SLC37A2: variants seen among roughly 807,000 people sequenced by gnomAD.
The protein encoded by SLC37A2 is solute carrier family 37 member 2, also known as glucose-6-phosphate exchanger SLC37A2.
Under a neutral mutation model 70.7 loss-of-function variants are expected in SLC37A2, and 59 were observed. That is an observed-to-expected ratio of 0.83 (90% CI 0.68 to 1.04). SLC37A2 has a LOEUF of 1.04. Among genes scored for constraint, SLC37A2 ranks in the 50% least tolerant of loss-of-function variants. The pLI is 0.00. For missense variants in SLC37A2, 580 were observed against 658.1 expected (o/e 0.88, Z 1.30); for synonymous variants, 257 against 262.1 (o/e 0.98, Z 0.19).
intron 1 of SLC37A2, among the ~76,000 whole-genome samples, chr11:125,064,595 C>T (rs1318621118): frequency 6.6e-6 from 1 of 152,162 alleles, no homozygotes; most frequent in Non-Finnish European, 1.5e-5. Context: ...CTCATCAATT[C>T]TAACCTTCTT....
Position 125,084,817 on chromosome 11 carries a change from T to TCTCTCAGA in SLC37A2, c.1126-7_1126dup. 1 of 1,613,420 alleles carries TCTCTCAGA rather than the reference T, an allele frequency of 6.2e-7. No homozygotes were observed. Among genetic ancestry groups the TCTCTCAGA allele is most frequent in the South Asian group, 1.1e-5 (1 of 90,776 alleles). On this transcript the variant is annotated splice_polypyrimidine_tract_variant and splice_region_variant and intron_variant, in intron 12 of 17. Coordinates refer to ENST00000403796, the MANE Select transcript of SLC37A2 (RefSeq NM_001145290.2). ...GGGTGACTCTGCCTCTCCCCTCTCCTCTCTCAGATGTTCCTGTACAACTAC... is the reference window on the plus strand; with the variant it reads ...GGGTGACTCTGCCTCTCCCCTCTCCTCTCTCAGACTCTCAGATGTTCCTGTACAACTAC...
At chr11:125,082,391 G>A in intron 10 of SLC37A2, 57 bp downstream of exon 10, 2 of 1,486,910 alleles carry the variant, frequency 1.3e-6, no homozygotes, top group East Asian at 2.3e-5. Flanking sequence ...GCTGCCTCTG[G>A]TGGGAGAGGA....
chr11:125,082,300 C>G lies in SLC37A2; in HGVS notation c.942C>G (p.Phe314Leu). The change falls in exon 10 of 18, where the codon TTC becomes TTG. Residue 314 changes from phenylalanine (F) to leucine (L), a missense_variant. Physicochemically the swap from Phe to Leu is conservative, Grantham distance 22 (BLOSUM62 0). Coordinates refer to ENST00000403796, the MANE Select transcript of SLC37A2 (RefSeq NM_001145290.2). ...TTGCCAAGCTGGTCAGTTACACCTT[C>G]CTCTACTGGCTGCCCCTCTACATCG... The part of the protein sequence containing the change: ...LLFAKLVSYT[F>L]LYWLPLYIAN... The G allele has an allele frequency of 6.2e-7, 1 of 1,613,968 alleles. No individual in the cohort carries two copies. The highest frequency in any genetic ancestry group is 1.1e-5 in the South Asian group (1 of 91,076).
At chr11:125,077,694 G>A (rs1017396719) in intron 4 of SLC37A2, among the ~76,000 whole-genome samples, 166 bp downstream of exon 4, 3 of 152,292 alleles carry the variant, frequency 2.0e-5, no homozygotes, top group East Asian at 1.9e-4. Context: ...CTGCTCCTTC[G>A]CCTGGTAGAC....
At chr11:125,066,243 T>C (rs1252160257) in intron 1 of SLC37A2, among the ~76,000 whole-genome samples, 1 of 152,192 alleles carries the variant, frequency 6.6e-6, no homozygotes, top group Admixed American at 6.5e-5. Flanking sequence ...TTGTTAAAGA[T>C]AAAAACTCTG....
Position 125,063,336 on chromosome 11 carries a change from G to T in SLC37A2, c.-32G>T, listed in dbSNP as rs780112789. The stretch of plus-strand genomic sequence containing the variant: ...CGCGCCCAGCTCTGTAGCCTCCTCC[G>T]TCGACTCAGCCTTAGGTACCGGTCA... On this transcript the variant is annotated 5_prime_UTR_variant, in exon 1 of 18. Transcript: ENST00000403796. The surrounding 1 kb of genome is among the most constrained non-coding windows in gnomAD (Gnocchi z 5.4). 1 of 1,598,174 alleles carries T rather than the reference G, an allele frequency of 6.3e-7. No individual in the cohort carries two copies. The highest frequency in any genetic ancestry group is 1.1e-5 in the South Asian group (1 of 88,898).
intron 17 of SLC37A2, chr11:125,087,450 C>T (rs1333303974): frequency 6.5e-6 from 1 of 153,166 alleles, no homozygotes; most frequent in African/African-American, 2.4e-5. Flanking sequence ...CTCCATGAGA[C>T]CTTGGGCATA....
At chr11:125,082,473 G>A in intron 10 of SLC37A2, 139 bp downstream of exon 10, 1 of 762,370 alleles carries the variant, frequency 1.3e-6, no homozygotes, top group Non-Finnish European at 2.3e-6. Flanking sequence ...TAGAGTGAAA[G>A]GAGCTTGATT....
rs867559008 is a variant in SLC37A2 at position 125,082,310 on chromosome 11, C to T, written c.952C>T (p.Leu318=). Residue 318 remains leucine, a synonymous_variant, in exon 10 of 18, where the codon CTG becomes TTG. Transcript: ENST00000403796. The part of the protein sequence containing the change: ...KLVSYTFLYW[L]PLYIANVAHF... ...GGTCAGTTACACCTTCCTCTACTGG[C>T]TGCCCCTCTACATCGCCAATGTGGG... 1 of 1,613,850 alleles carries T rather than the reference C, an allele frequency of 6.2e-7. No individual in the cohort carries two copies. Among genetic ancestry groups the T allele is most frequent in the Admixed American group, 1.7e-5 (1 of 59,998 alleles).
At chr11:125,074,950 C>T (rs562799363) in intron 1 of SLC37A2, among the ~76,000 whole-genome samples, 29 of 152,132 alleles carry the variant, frequency 1.9e-4, no homozygotes, top group Non-Finnish European at 2.9e-4. Context: ...GCCTGGGGGG[C>T]CTTACCGGCA....
chr11:125,086,198 C>T (rs1221587603), intron 17 of SLC37A2, 180 bp downstream of exon 17: 1 of 1,611,742 alleles, frequency 6.2e-7, no homozygotes, highest in Non-Finnish European at 8.5e-7. Flanking sequence ...CCGTGTATCT[C>T]TATAGCTCTA....
chr11:125,076,329 A>C (rs568659569), intron 1 of SLC37A2, among the ~76,000 whole-genome samples: 10 of 152,226 alleles, frequency 6.6e-5, no homozygotes, highest in African/African-American at 2.4e-4. Context: ...CTTTAAAAAC[A>C]GACCCTTCTC....
chr11:125,065,374 T>C (rs1216334830), intron 1 of SLC37A2, among the ~76,000 whole-genome samples: 1 of 152,216 alleles, frequency 6.6e-6, no homozygotes, highest in Non-Finnish European at 1.5e-5. Context: ...TAGCTGGAAG[T>C]TTTCATAAGG....
rs959930721 is a variant in SLC37A2 at position 125,080,003 on chromosome 11, G to A, written c.527+243G>A. Among the ~76,000 whole-genome samples the A allele has an allele frequency of 6.6e-6, 1 of 152,130 alleles. No individual in the cohort carries two copies. Among genetic ancestry groups the A allele is most frequent in the African/African-American group, 2.4e-5 (1 of 41,424 alleles). ...TAATAGATTAATTTCTATTTTCAAC[G>A]AAGACAAAAAGAAGCCTATAAAACT... On this transcript the variant is annotated intron_variant, in intron 6 of 17. Coordinates refer to ENST00000403796, the MANE Select transcript of SLC37A2 (RefSeq NM_001145290.2). The surrounding 1 kb of genome is among the most constrained non-coding windows in gnomAD (Gnocchi z 4.3).
At chr11:125,072,987 G>A (rs549203668) in intron 1 of SLC37A2, among the ~76,000 whole-genome samples, 6 of 152,212 alleles carry the variant, frequency 3.9e-5, no homozygotes, top group East Asian at 1.9e-4. Flanking sequence ...CCCCCCACCC[G>A]CCACCCTCAA....
intron 4 of SLC37A2, among the ~76,000 whole-genome samples, chr11:125,078,754 T>C (rs1053973519): frequency 3.3e-5 from 5 of 151,880 alleles, no homozygotes; most frequent in African/African-American, 4.8e-5. Context: ...TCTGTGACTG[T>C]GAAGCTCTGG....
chr11:125,084,212 C>T lies in SLC37A2; in HGVS notation c.1040-22C>T, dbSNP rs527354827. ...GCAGGGTCCTGTCTGGGAGTCAGTGCGTGAGTGGCTGTGTGTTCCAGGCGG... is the reference window on the plus strand; with the variant it reads ...GCAGGGTCCTGTCTGGGAGTCAGTGTGTGAGTGGCTGTGTGTTCCAGGCGG... On this transcript the variant is annotated intron_variant, in intron 11 of 17. Transcript: ENST00000403796. 65 of 1,613,634 alleles carry T rather than the reference C, an allele frequency of 4.0e-5. 1 individual carries two copies. In the South Asian group the frequency reaches 6.6e-4, roughly 16 times the overall value.
intron 16 of SLC37A2, 69 bp from the exon 17 acceptor site, chr11:125,085,885 C>A: frequency 3.4e-6 from 5 of 1,461,824 alleles, no homozygotes; most frequent in Non-Finnish European, 4.8e-6. Flanking sequence ...ACGGGTCACC[C>A]TGGTGCTGGG....
intron 2 of SLC37A2, 93 bp downstream of exon 2, chr11:125,076,931 T>A: frequency 8.3e-7 from 1 of 1,204,334 alleles, no homozygotes; most frequent in Non-Finnish European, 1.2e-6. Context: ...CACCTTCACC[T>A]GGCAGGCTCC....
Sources: allele counts gnomAD v4.1 joint callset (sites outside exome capture counted in the v4.1 genomes callset), GRCh38; gene constraint gnomAD v4.1.1; non-coding constraint Gnocchi (gnomAD v3.1); transcripts MANE v1.5; gene names NCBI Gene and HGNC (gene_info 2026-07-23, HGNC 2026-07-21).